Variants in EPB41L5 observed in about 807,000 individuals in gnomAD.
EPB41L5 encodes erythrocyte membrane protein band 4.1 like 5, also known as band 4.1-like protein 5.
EPB41L5 carries 55 observed loss-of-function variants against 106.6 expected under a neutral mutation model. The ratio of observed to expected loss-of-function variants is 0.52; its 90% CI spans 0.42 to 0.65. The LOEUF (loss-of-function observed/expected upper bound fraction) is 0.65, where lower values mean the gene tolerates loss of function less well. Ranked by LOEUF, EPB41L5 falls within the 30% of genes least tolerant of loss-of-function variation. The pLI is 0.00. For missense variants in EPB41L5, 871 were observed against 882.1 expected (o/e 0.99, Z 0.16); for synonymous variants, 297 against 306.7 (o/e 0.97, Z 0.33).
intron 14 of EPB41L5, among the ~76,000 whole-genome samples, chr2:120,098,607 A>G (rs936800376): frequency 2.2e-4 from 33 of 152,352 alleles, no homozygotes; most frequent in African/African-American, 3.8e-4. Context: ...TAACAGTCTC[A>G]TGCAAATGAG....
intron 16 of EPB41L5, 97 bp downstream of exon 16, chr2:120,100,911 G>T: frequency 1.3e-6 from 1 of 771,508 alleles, no homozygotes; most frequent in Non-Finnish European, 2.1e-6. Flanking sequence ...ATGATTGAAA[G>T]CAAATTATTC....
intron 18 of EPB41L5, among the ~76,000 whole-genome samples, chr2:120,139,085 G>T (rs1219071803): frequency 6.6e-6 from 1 of 151,998 alleles, no homozygotes; most frequent in Non-Finnish European, 1.5e-5. Flanking sequence ...CTGGGGAAAG[G>T]ACAGTCTCTT....
intron 18 of EPB41L5, among the ~76,000 whole-genome samples, chr2:120,142,430 A>T (rs551457075): frequency 1.3e-5 from 2 of 152,246 alleles, no homozygotes; most frequent in East Asian, 3.9e-4. Flanking sequence ...ACTTTGTTTT[A>T]AAAGCATAAA....
chr2:120,087,105 C>G (rs1683109822), intron 10 of EPB41L5, 66 bp from the exon 11 acceptor site: 3 of 1,021,566 alleles, frequency 2.9e-6, no homozygotes, highest in South Asian at 2.9e-5. Context: ...GAAATAAAAA[C>G]AATTTTTTTC....
intron 2 of EPB41L5, among the ~76,000 whole-genome samples, chr2:120,026,361 G>T (rs564699747): frequency 3.7e-5 from 3 of 80,516 alleles, no homozygotes; most frequent in South Asian, 4.6e-4. Flanking sequence ...CTGTTTTTTT[G>T]TTTGTTTGTT....
In EPB41L5 at chr2:120,175,031, CT is replaced by C; in HGVS notation, c.*126del. 1 of 916,622 alleles carries C rather than the reference CT, an allele frequency of 1.1e-6. No individual in the cohort carries two copies. The highest frequency in any genetic ancestry group is 1.8e-6 in the Non-Finnish European group (1 of 557,106). 56.8% of individuals were successfully genotyped at this position (916,622 alleles called of 1,614,324 possible). On this transcript the variant is annotated 3_prime_UTR_variant, in exon 25 of 25. Coordinates refer to ENST00000263713, the MANE Select transcript of EPB41L5 (RefSeq NM_020909.4). The stretch of plus-strand genomic sequence containing the variant: ...TAAAAAAAGCTGCACGTAGATTTGA[CT>C]TCAACTCCGTAAAAAAGACAGCTGT...
intron 18 of EPB41L5, among the ~76,000 whole-genome samples, chr2:120,132,449 G>A (rs1179400658): frequency 2.6e-5 from 4 of 152,094 alleles, no homozygotes; most frequent in East Asian, 1.9e-4. Context: ...GCTGACTCAC[G>A]GTGTTCTTCC....
intron 19 of EPB41L5, among the ~76,000 whole-genome samples, 184 bp from the exon 20 acceptor site, chr2:120,146,041 A>G (rs971197754): frequency 1.3e-5 from 2 of 152,174 alleles, no homozygotes; most frequent in Non-Finnish European, 2.9e-5. Flanking sequence ...TTGATTATTA[A>G]TTTAGGTATG....
At chr2:120,079,451 A>G (rs943993471) in intron 10 of EPB41L5, among the ~76,000 whole-genome samples, 1 of 152,060 alleles carries the variant, frequency 6.6e-6, no homozygotes, top group Non-Finnish European at 1.5e-5. Flanking sequence ...CTAGGCACTT[A>G]AGCCCCCTCT....
In EPB41L5 at chr2:120,019,182, T is replaced by C. The variant is rs1677754519; in HGVS notation, c.98T>C (p.Ile33Thr). The C allele has an allele frequency of 6.2e-7, 1 of 1,613,972 alleles. No homozygotes were observed. The highest frequency in any genetic ancestry group is 8.5e-7 in the Non-Finnish European group (1 of 1,179,982). The change falls in exon 2 of 25, where the codon ATT becomes ACT. Residue 33 changes from isoleucine (I) to threonine (T), a missense_variant. Coordinates refer to ENST00000263713, the MANE Select transcript of EPB41L5 (RefSeq NM_020909.4). Reference sequence around the variant, plus strand: ...GAAGCACAACGCGCCGCCACACATATTCCTGCAGCTGGAGATTCTAAGTCC... The same window carrying C: ...GAAGCACAACGCGCCGCCACACATACTCCTGCAGCTGGAGATTCTAAGTCC... The part of the protein sequence containing the change: ...LREAQRAATH[I>T]PAAGDSKSII...
chr2:120,127,500 A>G (rs1685510026), intron 16 of EPB41L5, among the ~76,000 whole-genome samples, 188 bp from the exon 17 acceptor site: 1 of 152,184 alleles, frequency 6.6e-6, no homozygotes, highest in Non-Finnish European at 1.5e-5. Flanking sequence ...TACAATATAA[A>G]TGCTATGTAA....
At chr2:120,164,312 T>C (rs934374604) in intron 21 of EPB41L5, among the ~76,000 whole-genome samples, 2 of 152,154 alleles carry the variant, frequency 1.3e-5, no homozygotes, top group South Asian at 2.1e-4. Context: ...TCTCCTGGGC[T>C]CAAGTGATCT....
At chr2:120,060,565 A>G (rs1471107238) in intron 3 of EPB41L5, among the ~76,000 whole-genome samples, 1 of 152,242 alleles carries the variant, frequency 6.6e-6, no homozygotes, top group Non-Finnish European at 1.5e-5. Context: ...AAATGACACA[A>G]TTATAGAGAT....
At chr2:120,061,718 T>C (rs943848034) in intron 3 of EPB41L5, among the ~76,000 whole-genome samples, 1 of 152,212 alleles carries the variant, frequency 6.6e-6, no homozygotes, top group Non-Finnish European at 1.5e-5. Context: ...CAGGTGTATC[T>C]TGTATAACGT....
intron 14 of EPB41L5, among the ~76,000 whole-genome samples, chr2:120,093,699 G>A (rs1414276310): frequency 6.6e-6 from 1 of 152,098 alleles, no homozygotes; most frequent in African/African-American, 2.4e-5. Context: ...AGCCTGGTAT[G>A]TTTTTGGATT....
intron 17 of EPB41L5, among the ~76,000 whole-genome samples, chr2:120,128,708 GTTT>G (rs397941666): frequency 1.4e-5 from 2 of 141,046 alleles, no homozygotes; most frequent in African/African-American, 2.6e-5. Context: ...GTACATCATG[GTTT>G]TTTTTTTTTT....
chr2:120,039,906 C>T (rs1398444084), intron 2 of EPB41L5, among the ~76,000 whole-genome samples: 1 of 151,122 alleles, frequency 6.6e-6, no homozygotes, highest in Non-Finnish European at 1.5e-5. Context: ...GGGTATCTGA[C>T]TTACTGATCT....
intron 16 of EPB41L5, chr2:120,105,235 T>G: frequency 1.6e-5 from 16 of 983,496 alleles, no homozygotes; most frequent in Non-Finnish European, 1.9e-5. Context: ...TAGGAAAACA[T>G]GTTAAGGGAA....
intron 10 of EPB41L5, among the ~76,000 whole-genome samples, chr2:120,083,064 GGATT>G (rs1682796489): frequency 6.6e-6 from 1 of 151,896 alleles, no homozygotes. Flanking sequence ...ACCAGCTCCT[GGATT>G]GATTTTTTTG....
Sources: allele counts gnomAD v4.1 joint callset (sites outside exome capture counted in the v4.1 genomes callset), GRCh38; gene constraint gnomAD v4.1.1; transcripts MANE v1.5; gene names NCBI Gene and HGNC (gene_info 2026-07-23, HGNC 2026-07-21).